The following C14orf93 variants were observed in gnomAD, a reference collection of about 807,000 sequenced individuals.
C14orf93 encodes the protein chromosome 14 open reading frame 93.
Under a neutral mutation model 44.0 loss-of-function variants are expected in C14orf93, and 23 were observed. That is an observed-to-expected ratio of 0.52 (90% CI 0.38 to 0.74). C14orf93 has a LOEUF of 0.74. Ranked by LOEUF, C14orf93 falls within the 30% of genes least tolerant of loss-of-function variation. The probability of loss-of-function intolerance (pLI) is 0.00; values close to 1 mark genes in which losing one functional copy is unlikely to be tolerated. For missense variants in C14orf93, 579 were observed against 678.9 expected (o/e 0.85, Z 1.64); for synonymous variants, 253 against 265.7 (o/e 0.95, Z 0.46).
At chr14:22,989,335 G>T (rs1416608720) in intron 5 of C14orf93, among the ~76,000 whole-genome samples, 2 of 152,158 alleles carry the variant, frequency 1.3e-5, no homozygotes, top group African/African-American at 4.8e-5. Flanking sequence ...ATACTTCAGG[G>T]TTAGCTACAA....
chr14:23,002,539 G>A (rs2046366303), intron 1 of C14orf93, among the ~76,000 whole-genome samples: 1 of 151,844 alleles, frequency 6.6e-6, no homozygotes, highest in Admixed American at 6.6e-5. Flanking sequence ...ACTTTTCTGA[G>A]ACCAAGTTTC....
chr14:23,009,229 G>C (rs944459948), intron 1 of C14orf93, among the ~76,000 whole-genome samples: 1 of 152,162 alleles, frequency 6.6e-6, no homozygotes, highest in Admixed American at 6.5e-5. Context: ...GAAAAATATA[G>C]TAAATGCACA....
intron 5 of C14orf93, among the ~76,000 whole-genome samples, chr14:22,988,409 G>T (rs1594590481): frequency 6.6e-6 from 1 of 152,208 alleles, no homozygotes; most frequent in South Asian, 2.1e-4. Context: ...ACAGGCGTGA[G>T]CAGCCGTGCC....
At chr14:22,997,417 T>C (rs1257819621) in intron 2 of C14orf93, among the ~76,000 whole-genome samples, 1 of 152,058 alleles carries the variant, frequency 6.6e-6, no homozygotes, top group Non-Finnish European at 1.5e-5. Context: ...GTCTATGTCT[T>C]GTTGTGGGGG....
chr14:23,008,629 A>G (rs2046752373), intron 1 of C14orf93, among the ~76,000 whole-genome samples: 3 of 152,166 alleles, frequency 2.0e-5, no homozygotes, highest in Admixed American at 6.5e-5. Context: ...AAATTTGGAT[A>G]CAGATATTTT....
At chr14:23,005,614 A>G (rs1294263399) in intron 1 of C14orf93, 1 of 152,234 alleles carries the variant, frequency 6.6e-6, no homozygotes, top group Non-Finnish European at 1.5e-5. Context: ...AAGATCTTCA[A>G]TCTTGGGATG....
rs181019074 is a variant in C14orf93 at position 23,000,696 on chromosome 14, C to A, written c.-379-1294G>T. Among the ~76,000 whole-genome samples, 149 of 122,524 alleles carry A rather than the reference C, an allele frequency of 1.2e-3. 1 individual carries two copies. Among genetic ancestry groups the A allele is most frequent in the African/African-American group, 4.4e-3 (134 of 30,704 alleles). 80.4% of individuals were successfully genotyped at this position (122,524 alleles called of 152,430 possible). On this transcript the variant is annotated intron_variant, in intron 1 of 6. Coordinates refer to ENST00000299088, the MANE Select transcript of C14orf93 (RefSeq NM_021944.4). ...GTGCCACTGCACTCCAGCCTGGCAA[C>A]AGGGCGAGACTCCACCTCAAAAAAA...
chr14:22,990,148 C>T, intron 3 of C14orf93, 21 bp from the exon 4 acceptor site: 2 of 1,602,604 alleles, frequency 1.2e-6, no homozygotes, highest in Admixed American at 1.7e-5. Flanking sequence ...AAAAAGAAAA[C>T]ACAATCAAGC....
At chr14:22,994,365 G>A (rs1040244993) in intron 3 of C14orf93, among the ~76,000 whole-genome samples, 3 of 152,108 alleles carry the variant, frequency 2.0e-5, no homozygotes, top group African/African-American at 7.2e-5. Context: ...TACAAAATTA[G>A]CCAGGCGTGG....
rs10147573 is a variant in C14orf93 at position 22,987,824 on chromosome 14, T to G, written c.1197+79A>C. On this transcript the variant is annotated intron_variant, in intron 6 of 6. Coordinates refer to ENST00000299088, the MANE Select transcript of C14orf93 (RefSeq NM_021944.4). This position sits in a 1 kb window ranked among gnomAD's most constrained non-coding sequence, Gnocchi z 5.6. ...TTCCTGGCTCTCAACCCTATTCTCA[T>G]ATGCCATGTCCTCTGGCCCTTCCCA... 26,126 of 1,298,758 alleles carry G rather than the reference T, an allele frequency of 0.02. 3,785 individuals are homozygous for G. The African/African-American group carries it at 0.33, about 16-fold the overall frequency. The allele number at this position is 1,298,758 out of a possible 1,614,324, so 80.5% of individuals were successfully genotyped here.
At chr14:22,994,905 A>G (rs1183356334) in intron 3 of C14orf93, among the ~76,000 whole-genome samples, 1 of 152,102 alleles carries the variant, frequency 6.6e-6, no homozygotes, top group African/African-American at 2.4e-5. Context: ...ACTAGATGTC[A>G]GTAGCATTCT....
rs1312174992 is a variant in C14orf93, at chr14:22,996,842, C to T, written c.598-574G>A. On this transcript the variant is annotated intron_variant, in intron 2 of 6. Transcript: ENST00000299088. The surrounding 1 kb of genome is among the most constrained non-coding windows in gnomAD (Gnocchi z 4.1). ...CGACTGTCATAGCCCCTGACATCTA[C>T]CTGACTGCCTGTGCCCTCACTCAAG... 6.6e-6 allele frequency among the ~76,000 whole-genome samples: 1 copy of T among 152,116 alleles called. No individual in the cohort carries two copies. The highest frequency in any genetic ancestry group is 1.5e-5 in the Non-Finnish European group (1 of 68,028).
intron 1 of C14orf93, chr14:23,000,011 A>G (rs935041311): frequency 3.9e-5 from 6 of 152,182 alleles, no homozygotes; most frequent in African/African-American, 1.2e-4. Context: ...TCCAGCCAGG[A>G]GCCCAGAGAA....
intron 1 of C14orf93, among the ~76,000 whole-genome samples, chr14:23,002,997 C>T (rs763865539): frequency 2.6e-5 from 4 of 152,184 alleles, no homozygotes; most frequent in African/African-American, 4.8e-5. Flanking sequence ...CCTTCTATGA[C>T]GCAAATTAGA....
chr14:23,005,694 T>C (rs2046588983), intron 1 of C14orf93: 1 of 152,194 alleles, frequency 6.6e-6, no homozygotes, highest in Non-Finnish European at 1.5e-5. Flanking sequence ...TTGGGGTTCA[T>C]TTCAGTATTG....
At chr14:22,991,170 CT>C (rs75085875) in intron 3 of C14orf93, among the ~76,000 whole-genome samples, 18 of 143,632 alleles carry the variant, frequency 1.3e-4, no homozygotes, top group East Asian at 4.1e-4. Flanking sequence ...TATTTCTTTT[CT>C]TTTTTTTTTT....
In C14orf93 at chr14:22,986,338, A is replaced by C. The variant is rs1394790866; in HGVS notation, c.*877T>G. 1.3e-5 allele frequency: 2 copies of C among 152,344 alleles called. No individual in the cohort carries two copies. The highest frequency in any genetic ancestry group is 4.1e-4 in the South Asian group (2 of 4,826). The allele number at this position is 152,344 out of a possible 1,614,324, so 9.4% of individuals were successfully genotyped here. A position where few individuals can be genotyped will look rare whatever the true frequency, so the allele number is the denominator to read the frequency against. On this transcript the variant is annotated 3_prime_UTR_variant, in exon 7 of 7. Coordinates refer to ENST00000299088, the MANE Select transcript of C14orf93 (RefSeq NM_021944.4). The stretch of plus-strand genomic sequence containing the variant: ...GCCTGGCTTCCTGACTAAACTAAAA[A>C]AATCTCTGAACAGCATCCAACCTTA...
chr14:22,987,850 C>T lies in C14orf93; in HGVS notation c.1197+53G>A, dbSNP rs1594586082. The T allele has an allele frequency of 1.4e-6, 2 of 1,451,318 alleles. No individual in the cohort carries two copies. The highest frequency in any genetic ancestry group is 4.5e-5 in the East Asian group (2 of 44,094). 89.9% of individuals were successfully genotyped at this position (1,451,318 alleles called of 1,614,324 possible). The stretch of plus-strand genomic sequence containing the variant: ...ATGCCATGTCCTCTGGCCCTTCCCA[C>T]TTAGGAAAGGGTTTAGAGTTTAGTA... On this transcript the variant is annotated intron_variant, in intron 6 of 6. Coordinates refer to ENST00000299088, the MANE Select transcript of C14orf93 (RefSeq NM_021944.4). The surrounding 1 kb of genome is among the most constrained non-coding windows in gnomAD (Gnocchi z 5.6).
At chr14:23,005,744 A>G (rs1216004961) in intron 1 of C14orf93, 1 of 152,246 alleles carries the variant, frequency 6.6e-6, no homozygotes, top group Non-Finnish European at 1.5e-5. Context: ...TTAAAAATGT[A>G]CTTTCCAGTA....
Sources: allele counts gnomAD v4.1 joint callset (sites outside exome capture counted in the v4.1 genomes callset), GRCh38; gene constraint gnomAD v4.1.1; non-coding constraint Gnocchi (gnomAD v3.1); transcripts MANE v1.5; gene names NCBI Gene and HGNC (gene_info 2026-07-23, HGNC 2026-07-21).